The following TAF6L variants were observed in gnomAD, a reference collection of about 807,000 sequenced individuals.
TAF6L encodes TATA-box binding protein associated factor 6 like, also known as TAF6-like RNA polymerase II p300/CBP-associated factor-associated factor 65 kDa subunit 6L.
TAF6L carries 34 observed loss-of-function variants against 57.3 expected under a neutral mutation model. The ratio of observed to expected loss-of-function variants is 0.59; its 90% CI spans 0.45 to 0.79. The LOEUF is 0.79. Ranked by LOEUF, TAF6L falls within the 30% of genes least tolerant of loss-of-function variation. TAF6L has a pLI of 0.00. For missense variants in TAF6L, 782 were observed against 853.2 expected, an observed-to-expected ratio of 0.92 and a Z score of 1.04; for synonymous variants, 417 against 376.3, an observed-to-expected ratio of 1.11 and a Z score of -1.25.
intron 6 of TAF6L, 74 bp downstream of exon 6, chr11:62,779,037 T>G (rs2084208171): frequency 5.8e-6 from 7 of 1,204,094 alleles, no homozygotes; most frequent in Non-Finnish European, 8.4e-6. Flanking sequence ...TTTTTTTTTT[T>G]GAGACAGAGT....
At chr11:62,776,163 G>C (rs573564053) in intron 2 of TAF6L, among the ~76,000 whole-genome samples, 12 of 152,262 alleles carry the variant, frequency 7.9e-5, no homozygotes, top group African/African-American at 2.9e-4. Flanking sequence ...CAGGCAGAGC[G>C]GGTAGATACT....
In TAF6L at chr11:62,772,075, A is replaced by G. The variant is rs1035449464; in HGVS notation, c.-14+585A>G. 12 of 456,058 alleles carry G rather than the reference A, an allele frequency of 2.6e-5. No individual in the cohort carries two copies. In the East Asian group the frequency reaches 7.6e-4, roughly 29 times the overall value. 28.3% of individuals were successfully genotyped at this position (456,058 alleles called of 1,614,324 possible). A position where few individuals can be genotyped will look rare whatever the true frequency, so the allele number is the denominator to read the frequency against. The stretch of plus-strand genomic sequence containing the variant: ...CCCCCTCCCTACTTACTCAGTGCTT[A>G]CTTCATGATCTTGGAGAAGTCATGG... On this transcript the variant is annotated intron_variant, in intron 1 of 10. Transcript: ENST00000294168.
At position 62,787,043 on chromosome 11, in the gene TAF6L, C is replaced by G. The variant is rs1419105460; in HGVS notation, c.1616C>G (p.Pro539Arg). ...CGCGGGGCACCCCGGCAGCAGGGCC[C>G]CGGGACCGGCACCCGCGACGTTTTC... The part of the protein sequence containing the change: ...RARGAPRQQG[P>R]GTGTRDVFQK... Residue 539 changes from proline to arginine, a missense_variant, in exon 11 of 11, where the codon CCC (proline) becomes CGC (arginine). Transcript: ENST00000294168. 1 of 1,518,596 alleles carries G rather than the reference C, an allele frequency of 6.6e-7. No individual in the cohort carries two copies. Among genetic ancestry groups the G allele is most frequent in the Admixed American group, 2.0e-5 (1 of 49,876 alleles). 94.1% of individuals were successfully genotyped at this position (1,518,596 alleles called of 1,614,324 possible).
At chr11:62,783,990 AC>A (rs2084250079) in intron 9 of TAF6L, among the ~76,000 whole-genome samples, 1 of 3,668 alleles carries the variant, frequency 2.7e-4, no homozygotes, top group African/African-American at 1.1e-3. Flanking sequence ...AGATGGCGCC[AC>A]TACACTCCAG....
rs769890556 is a variant in TAF6L, at chr11:62,786,526, G to C, written c.1099G>C (p.Glu367Gln). 1 of 1,553,852 alleles carries C rather than the reference G, an allele frequency of 6.4e-7. No homozygotes were observed. Among genetic ancestry groups the C allele is most frequent in the African/African-American group, 1.4e-5 (1 of 73,386 alleles). ...KVYGAILVAV[E>Q]RLLKMKAQAA... ...TCCTTGGCTCTTACAGGTGGCGGTAGAGCGACTGCTGAAGATGAAGGCCCA... is the reference window on the plus strand; with the variant it reads ...TCCTTGGCTCTTACAGGTGGCGGTACAGCGACTGCTGAAGATGAAGGCCCA... The change falls in exon 11 of 11, where the codon GAG (glutamate) becomes CAG (glutamine). Residue 367 changes from glutamate to glutamine, a missense_variant. By Grantham distance (29) the Glu-to-Gln change is conservative. Transcript: ENST00000294168.
At chr11:62,779,974 A>ATTTT (rs1432226168) in intron 6 of TAF6L, among the ~76,000 whole-genome samples, 2 of 74,930 alleles carry the variant, frequency 2.7e-5, no homozygotes, top group African/African-American at 1.0e-4. Flanking sequence ...ATATATATAT[A>ATTTT]TATTTTTTTT....
chr11:62,776,252 G>A (rs941536347), intron 2 of TAF6L, 132 bp from the exon 3 acceptor site: 3 of 882,640 alleles, frequency 3.4e-6, no homozygotes, highest in African/African-American at 1.7e-5. Context: ...GAGCAGAGAC[G>A]GAATCTAGGC....
rs757364945 is a variant in TAF6L, at chr11:62,776,414, C to T, written c.178C>T (p.Arg60Cys). The change falls in exon 3 of 11, where the codon CGC (arginine) becomes TGC (cysteine). Residue 60 changes from arginine to cysteine, a missense_variant. By Grantham distance (180) the Arg-to-Cys change is radical. Coordinates refer to ENST00000294168, the MANE Select transcript of TAF6L (RefSeq NM_006473.4). ...NSSQFMKHTK[R>C]RKLTVEDFNR... ...CTCTCAGTTCATGAAGCACACCAAA[C>T]GCCGGAAGCTGACGGTTGAGGACTT... The T allele has an allele frequency of 1.4e-5, 22 of 1,613,612 alleles. No individual in the cohort carries two copies. Among genetic ancestry groups the T allele is most frequent in the East Asian group, 2.2e-5 (1 of 44,872 alleles).
rs752949080 is a variant in TAF6L, at chr11:62,778,140, G to A, written c.385+12G>A. ...GACAGCTGTCAGAGGTGGCTGCCGGGGTCCTGCATGGGTTGGGGATGGGAG... is the reference window on the plus strand; with the variant it reads ...GACAGCTGTCAGAGGTGGCTGCCGGAGTCCTGCATGGGTTGGGGATGGGAG... On this transcript the variant is annotated intron_variant, in intron 4 of 10. Coordinates refer to ENST00000294168, the MANE Select transcript of TAF6L (RefSeq NM_006473.4). 6.2e-7 allele frequency: 1 copy of A among 1,614,140 alleles called. No individual in the cohort carries two copies. The highest frequency in any genetic ancestry group is 2.2e-5 in the East Asian group (1 of 44,882).
At chr11:62,777,502 G>C (rs2084196249) in intron 3 of TAF6L, among the ~76,000 whole-genome samples, 1 of 152,128 alleles carries the variant, frequency 6.6e-6, no homozygotes, top group South Asian at 2.1e-4. Context: ...GGTGGGACTG[G>C]AGCTGGCCCT....
intron 5 of TAF6L, 118 bp downstream of exon 5, chr11:62,778,453 T>C: frequency 7.9e-7 from 1 of 1,271,500 alleles, no homozygotes; most frequent in Non-Finnish European, 1.1e-6. Flanking sequence ...GCCTGCCTTG[T>C]GCCATGGTCT....
chr11:62,787,049 C>G lies in TAF6L; in HGVS notation c.1622C>G (p.Thr541Ser), dbSNP rs768347100. The G allele has an allele frequency of 5.1e-5, 77 of 1,522,036 alleles. No homozygotes were observed. The highest frequency in any genetic ancestry group is 6.3e-5 in the Non-Finnish European group (72 of 1,142,122). 94.3% of individuals were successfully genotyped at this position (1,522,036 alleles called of 1,614,324 possible). ...RGAPRQQGPG[T>S]GTRDVFQKSR... ...GCACCCCGGCAGCAGGGCCCCGGGA[C>G]CGGCACCCGCGACGTTTTCCAGAAG... Residue 541 changes from threonine (T) to serine (S), a missense_variant, in exon 11 of 11, where the codon ACC becomes AGC. Thr to Ser is a moderately conservative substitution (Grantham distance 58, BLOSUM62 1). Transcript: ENST00000294168.
In TAF6L at chr11:62,787,127, G is replaced by A. The variant is rs756526363; in HGVS notation, c.1700G>A (p.Arg567Gln). The change falls in exon 11 of 11, where the codon CGG becomes CAG. Residue 567 changes from arginine to glutamine, a missense_variant. This residue lies in a region of TAF6L where 483 missense variants were observed against 445.1 expected (regional missense o/e 1.09). Transcript: ENST00000294168. The stretch of plus-strand genomic sequence containing the variant: ...CACTTTCGTTTCATCATAGCCGGGC[G>A]GCAGGCTGGGAGGCGCTGCCGCGGG... ...APHFRFIIAG[R>Q]QAGRRCRGRL... is the part of the protein sequence containing the mutation. 18 of 1,559,352 alleles carry A rather than the reference G, an allele frequency of 1.2e-5. No homozygotes were observed. Among genetic ancestry groups the A allele is most frequent in the Non-Finnish European group, 1.6e-5 (18 of 1,161,280 alleles).
rs1193431163 is a variant in TAF6L, at chr11:62,786,647, C to A, written c.1220C>A (p.Ser407Tyr). 6.2e-7 allele frequency: 1 copy of A among 1,604,552 alleles called. No homozygotes were observed. Among genetic ancestry groups the A allele is most frequent in the Non-Finnish European group, 8.5e-7 (1 of 1,175,938 alleles). The change falls in exon 11 of 11, where the codon TCC becomes TAC. Residue 407 changes from serine to tyrosine, a missense_variant. Transcript: ENST00000294168. ...AGCCTTCTCTTTCAAGAGTCGTCCT[C>A]CGGGGGCGGTGCAGAACCCAGCTTT... ...WDSLLFQESS[S>Y]GGGAEPSFGS...
chr11:62,772,087 T>C, intron 1 of TAF6L: 1 of 456,228 alleles, frequency 2.2e-6, no homozygotes, highest in Non-Finnish European at 4.4e-6. Flanking sequence ...TTCATGATCT[T>C]GGAGAAGTCA....
rs372280960 is a variant in TAF6L at position 62,787,300 on chromosome 11, A to C, written c.*4A>C. On this transcript the variant is annotated 3_prime_UTR_variant, in exon 11 of 11. Transcript: ENST00000294168. ...CTCGCTGTACTTGCCGCTCTGAGTCAGTGGCCCCTTCGTTCCTTGTAAATA... is the reference window on the plus strand; with the variant it reads ...CTCGCTGTACTTGCCGCTCTGAGTCCGTGGCCCCTTCGTTCCTTGTAAATA... The C allele has an allele frequency of 2.6e-6, 4 of 1,536,236 alleles. No individual in the cohort carries two copies. The highest frequency in any genetic ancestry group is 4.0e-5 in the Admixed American group (2 of 50,262).
rs752252386 is a variant in TAF6L at position 62,786,552 on chromosome 11, GGCA to G, written c.1130_1132del (p.Ala377del). 6.4e-7 allele frequency: 1 copy of G among 1,556,028 alleles called. No individual in the cohort carries two copies. Among genetic ancestry groups the G allele is most frequent in the Non-Finnish European group, 8.7e-7 (1 of 1,149,724 alleles). On this transcript the variant is annotated inframe_deletion, in exon 11 of 11. Transcript: ENST00000294168. The stretch of plus-strand genomic sequence containing the variant: ...AGCGACTGCTGAAGATGAAGGCCCA[GGCA>G]GCAGAGCCCAACAGGGGTGGCCCAG...
chr11:62,772,137 G>A (rs2084153183), intron 1 of TAF6L: 1 of 456,114 alleles, frequency 2.2e-6, no homozygotes, highest in South Asian at 1.5e-5. Context: ...CCTTGCCTGT[G>A]AAATAGACGA....
At chr11:62,775,074 A>G (rs947553440) in intron 1 of TAF6L, among the ~76,000 whole-genome samples, 5 of 151,722 alleles carry the variant, frequency 3.3e-5, no homozygotes, top group African/African-American at 1.2e-4. Context: ...AAAAAAAAAA[A>G]AAAAAAGAAA....
Sources: allele counts gnomAD v4.1 joint callset (sites outside exome capture counted in the v4.1 genomes callset), GRCh38; gene constraint gnomAD v4.1.1; regional missense constraint gnomAD v4.1.1; transcripts MANE v1.5; gene names NCBI Gene and HGNC (gene_info 2026-07-23, HGNC 2026-07-21).